The following CCNY variants were observed in gnomAD, a reference collection of about 807,000 sequenced individuals.
CCNY encodes cyclin-Y.
A neutral mutation model predicts 42.8 loss-of-function variants in CCNY; 19 were observed. The ratio of observed to expected loss-of-function variants is 0.44; its 90% CI spans 0.31 to 0.65. CCNY has a LOEUF of 0.65. CCNY is among the 30% of genes least tolerant of loss of function. The pLI is 0.07. For missense variants in CCNY, 370 were observed against 437.3 expected (o/e 0.85, Z 1.37); for synonymous variants, 165 against 162.7 (o/e 1.01, Z -0.11).
At chr10:35,527,458 G>T in intron 5 of CCNY, among the ~76,000 whole-genome samples, 1 of 152,166 alleles carries the variant, frequency 6.6e-6, no homozygotes, top group East Asian at 1.9e-4. Flanking sequence ...GCTTTGTGAA[G>T]CACCTACTCT....
chr10:35,329,930 G>C (rs1398724653), intron 3 of CCNY, among the ~76,000 whole-genome samples: 2 of 152,140 alleles, frequency 1.3e-5, no homozygotes, highest in Non-Finnish European at 2.9e-5. Flanking sequence ...GGGGGCCCAG[G>C]GCTATTTTAA....
At chr10:35,565,282 C>T (rs529447607) in intron 8 of CCNY, among the ~76,000 whole-genome samples, 10 of 152,208 alleles carry the variant, frequency 6.6e-5, no homozygotes, top group African/African-American at 2.4e-4. Flanking sequence ...AGTGTGGGCC[C>T]GGGGCAAGAG....
chr10:35,434,456 G>A (rs1838482165), intron 1 of CCNY, among the ~76,000 whole-genome samples: 1 of 152,200 alleles, frequency 6.6e-6, no homozygotes, highest in Non-Finnish European at 1.5e-5. Context: ...TTACTTTTGG[G>A]ACTAATACTA....
At chr10:35,285,712 G>C (rs1366957120) in intron 3 of CCNY, among the ~76,000 whole-genome samples, 1 of 152,216 alleles carries the variant, frequency 6.6e-6, no homozygotes, top group Non-Finnish European at 1.5e-5. Flanking sequence ...GATTAGGGGC[G>C]TGAGCCACCA....
At chr10:35,490,450 T>C (rs1428085346) in intron 2 of CCNY, among the ~76,000 whole-genome samples, 1 of 152,236 alleles carries the variant, frequency 6.6e-6, no homozygotes, top group East Asian at 1.9e-4. Context: ...CTTCTGATCA[T>C]AAATGGCCAG....
intron 5 of CCNY, among the ~76,000 whole-genome samples, chr10:35,527,204 A>C (rs1227266509): frequency 6.6e-6 from 1 of 152,058 alleles, no homozygotes; most frequent in African/African-American, 2.4e-5. Flanking sequence ...CAACTTTGGA[A>C]CTCTAAATCT....
intron 1 of CCNY, among the ~76,000 whole-genome samples, chr10:35,378,033 C>G (rs923089496): frequency 1.1e-4 from 16 of 152,166 alleles, no homozygotes; most frequent in Non-Finnish European, 4.4e-5. Flanking sequence ...GACACTACCT[C>G]AAAATGTGAC....
intron 3 of CCNY, among the ~76,000 whole-genome samples, chr10:35,257,091 C>G (rs1333061074): frequency 6.7e-6 from 1 of 150,228 alleles, no homozygotes; most frequent in African/African-American, 2.5e-5. Context: ...CTTTGTTTCT[C>G]CATATGGCTT....
chr10:35,343,530 C>G (rs540578236), intron 1 of CCNY, among the ~76,000 whole-genome samples: 5 of 151,978 alleles, frequency 3.3e-5, no homozygotes, highest in African/African-American at 1.2e-4. Flanking sequence ...ACTGGGACTA[C>G]AGGCACGTGC....
chr10:35,264,241 T>C (rs7921737), intron 3 of CCNY, among the ~76,000 whole-genome samples: 1 of 152,172 alleles, frequency 6.6e-6, no homozygotes, highest in Non-Finnish European at 1.5e-5. Flanking sequence ...TCTTTTTTTT[T>C]ATTTTATTAT....
chr10:35,248,740 A>C (rs2095709859), intron 2 of CCNY, among the ~76,000 whole-genome samples: 1 of 152,066 alleles, frequency 6.6e-6, no homozygotes, highest in South Asian at 2.1e-4. Context: ...TCGGGAGGCC[A>C]AGGCCAGAGG....
chr10:35,454,416 C>A (rs1196017873), intron 1 of CCNY, among the ~76,000 whole-genome samples: 1 of 152,242 alleles, frequency 6.6e-6, no homozygotes, highest in African/African-American at 2.4e-5. Flanking sequence ...TGTGAACCCC[C>A]CACCAGGAAC....
chr10:35,516,661 C>CTTCCTT (rs1166900318), intron 4 of CCNY, 38 bp downstream of exon 4: 42 of 327,584 alleles, frequency 1.3e-4, no homozygotes, highest in African/African-American at 8.4e-4. Flanking sequence ...TCCTTCCTTC[C>CTTCCTT]TTTTTTTTTT....
intron 3 of CCNY, among the ~76,000 whole-genome samples, chr10:35,316,762 A>T (rs1589032861): frequency 6.6e-6 from 1 of 152,214 alleles, no homozygotes; most frequent in East Asian, 1.9e-4. Context: ...GAAAGTACCA[A>T]AATAGCATAT....
At chr10:35,469,362 T>G (rs1178183650) in intron 1 of CCNY, among the ~76,000 whole-genome samples, 2 of 152,250 alleles carry the variant, frequency 1.3e-5, no homozygotes, top group Non-Finnish European at 2.9e-5. Flanking sequence ...GTCTTAACAT[T>G]AGCATCTTTA....
chr10:35,448,259 G>A (rs1343789318), intron 1 of CCNY, among the ~76,000 whole-genome samples: 3 of 152,166 alleles, frequency 2.0e-5, no homozygotes, highest in East Asian at 1.9e-4. Flanking sequence ...GGGCCCCAGG[G>A]CAGTCACGAA....
intron 9 of CCNY, among the ~76,000 whole-genome samples, chr10:35,567,312 T>A (rs1841591904): frequency 6.6e-6 from 1 of 152,250 alleles, no homozygotes; most frequent in Non-Finnish European, 1.5e-5. Flanking sequence ...TTGGGTCTCA[T>A]CACAGCATAT....
At chr10:35,554,122 C>A (rs1841315749) in intron 8 of CCNY, among the ~76,000 whole-genome samples, 1 of 152,122 alleles carries the variant, frequency 6.6e-6, no homozygotes, top group African/African-American at 2.4e-5. Context: ...CCCCAGTAAT[C>A]CTCAGATGCA....
In CCNY at chr10:35,549,112, C is replaced by CT. The variant is rs1169869298; in HGVS notation, c.580-3907_580-3906insT. On this transcript the variant is annotated intron_variant, in intron 7 of 9. Coordinates refer to ENST00000374704, the MANE Select transcript of CCNY (RefSeq NM_145012.6). ...CCTCACCACCCACCCCACCCCCCCC[C>CT]GCCCCTCATCATGCCAAACCCCTTC... 1.4e-4 allele frequency among the ~76,000 whole-genome samples: 20 copies of CT among 146,994 alleles called. 1 individual carries two copies. Among genetic ancestry groups the CT allele is most frequent in the African/African-American group, 5.1e-4 (20 of 39,218 alleles).
Sources: allele counts gnomAD v4.1 joint callset (sites outside exome capture counted in the v4.1 genomes callset), GRCh38; gene constraint gnomAD v4.1.1; transcripts MANE v1.5; gene names NCBI Gene and HGNC (gene_info 2026-07-23, HGNC 2026-07-21).